DZIP3: variants seen among roughly 807,000 people sequenced by gnomAD.
DZIP3 encodes DAZ interacting zinc finger protein 3, also known as E3 ubiquitin-protein ligase DZIP3.
In DZIP3, 118 loss-of-function variants were observed where a neutral mutation model predicts 162.0. The ratio of observed to expected loss-of-function variants is 0.73; its 90% CI spans 0.63 to 0.85. The LOEUF (loss-of-function observed/expected upper bound fraction) is 0.85. DZIP3 is among the 40% of genes least tolerant of loss of function. DZIP3 has a pLI of 0.00. For synonymous variants in DZIP3, 438 were observed against 458.6 expected (o/e 0.96, Z 0.57); for missense variants, 1,331 against 1,407.0 (o/e 0.95, Z 0.86).
chr3:108,675,781 A>G lies in DZIP3; in HGVS notation c.2694-5A>G. 1 of 1,592,548 alleles carries G rather than the reference A, an allele frequency of 6.3e-7. No homozygotes were observed. Among genetic ancestry groups the G allele is most frequent in the Non-Finnish European group, 8.5e-7 (1 of 1,173,458 alleles). ...TTTTCTTTTGTGTCTCCTTTTCTAC[A>G]ACAGCAACCTAGAATCACTTCAATT... On this transcript the variant is annotated splice_polypyrimidine_tract_variant and splice_region_variant and intron_variant, in intron 24 of 32. Transcript: ENST00000361582.
chr3:108,619,378 C>T (rs1428198479), intron 5 of DZIP3, among the ~76,000 whole-genome samples: 2 of 151,526 alleles, frequency 1.3e-5, no homozygotes, highest in Non-Finnish European at 2.9e-5. Context: ...TATACATATA[C>T]ATGATTATAA....
intron 8 of DZIP3, among the ~76,000 whole-genome samples, chr3:108,630,093 G>A (rs988732201): frequency 5.3e-5 from 8 of 151,924 alleles, no homozygotes; most frequent in Non-Finnish European, 8.8e-5. Flanking sequence ...TCAGAAAATT[G>A]TACCACTTTA....
chr3:108,593,435 CTG>C (rs147687240), intron 1 of DZIP3, among the ~76,000 whole-genome samples: 5,417 of 152,114 alleles, frequency 0.036, 322 homozygotes, highest in African/African-American at 0.12. Context: ...TATTATATAC[CTG>C]TTCATAAGTG....
At chr3:108,600,151 T>G (rs115722608) in intron 1 of DZIP3, among the ~76,000 whole-genome samples, 2,943 of 152,282 alleles carry the variant, frequency 0.019, 89 homozygotes, top group African/African-American at 0.063. Flanking sequence ...AGGAGTTTTT[T>G]GGAATTCTTT....
Position 108,662,268 on chromosome 3 carries a change from A to G in DZIP3, c.2423+11A>G. 4 of 1,576,324 alleles carry G rather than the reference A, an allele frequency of 2.5e-6. No individual in the cohort carries two copies. The highest frequency in any genetic ancestry group is 3.4e-6 in the Non-Finnish European group (4 of 1,168,542). On this transcript the variant is annotated intron_variant, in intron 21 of 32. Coordinates refer to ENST00000361582, the MANE Select transcript of DZIP3 (RefSeq NM_014648.4). ...CAATAAGGTTTCCAAGTAAGTGTAA[A>G]TCTTTTGATAAAGGGAAATTCTGCG...
intron 21 of DZIP3, among the ~76,000 whole-genome samples, chr3:108,667,325 T>G (rs993630219): frequency 3.9e-5 from 6 of 152,166 alleles, no homozygotes; most frequent in African/African-American, 1.4e-4. Context: ...CAGTGATATG[T>G]ATCACTGCAA....
At chr3:108,666,460 T>C (rs1383075033) in intron 21 of DZIP3, among the ~76,000 whole-genome samples, 3 of 152,014 alleles carry the variant, frequency 2.0e-5, no homozygotes, top group Non-Finnish European at 2.9e-5. Context: ...CACTTCAAAC[T>C]CCACTCTCAA....
intron 19 of DZIP3, among the ~76,000 whole-genome samples, chr3:108,660,132 AAACCACTTTAAAGTTCATATGG>A: frequency 6.6e-6 from 1 of 152,300 alleles, no homozygotes; most frequent in South Asian, 2.1e-4. Flanking sequence ...GAATTGGAAA[AAACCACTTTAAAGTTCATATGG>A]AACCAAAAAA....
At chr3:108,597,513 G>C (rs1939771918) in intron 1 of DZIP3, among the ~76,000 whole-genome samples, 2 of 151,774 alleles carry the variant, frequency 1.3e-5, no homozygotes. Flanking sequence ...CAGTAATCCT[G>C]GTAATTACTA....
intron 1 of DZIP3, chr3:108,590,104 A>G (rs1576327672): frequency 6.6e-6 from 1 of 152,132 alleles, no homozygotes; most frequent in East Asian, 1.9e-4. Context: ...TTTGTAAGTG[A>G]AGGTGTCTGT....
chr3:108,689,543 C>T (rs923010910), intron 31 of DZIP3, among the ~76,000 whole-genome samples: 3 of 151,942 alleles, frequency 2.0e-5, no homozygotes, highest in East Asian at 3.9e-4. Flanking sequence ...CAAAATTAGC[C>T]GGGCGTGGTG....
chr3:108,677,393 C>A, intron 25 of DZIP3, 104 bp from the exon 26 acceptor site: 1 of 819,052 alleles, frequency 1.2e-6, no homozygotes, highest in Non-Finnish European at 1.9e-6. Flanking sequence ...AGGTTGGCAA[C>A]CACTCTTGTA....
intron 19 of DZIP3, among the ~76,000 whole-genome samples, chr3:108,658,495 G>A (rs1160767369): frequency 3.9e-5 from 6 of 152,134 alleles, no homozygotes; most frequent in African/African-American, 1.4e-4. Context: ...AAAGCAGTGT[G>A]TAGAGGGAAA....
At chr3:108,608,230 C>A in intron 3 of DZIP3, 72 bp downstream of exon 3, 3 of 1,224,348 alleles carry the variant, frequency 2.5e-6, no homozygotes, top group Admixed American at 3.8e-5. Flanking sequence ...TGCAGTAATA[C>A]ATCTAGTCAG....
chr3:108,602,850 T>C (rs1002835142), intron 1 of DZIP3: 1 of 152,176 alleles, frequency 6.6e-6, no homozygotes, highest in Non-Finnish European at 1.5e-5. Flanking sequence ...TCCTGGGAAA[T>C]GATGAGATTG....
intron 9 of DZIP3, among the ~76,000 whole-genome samples, chr3:108,633,738 T>G (rs1294634935): frequency 9.3e-6 from 1 of 108,074 alleles, no homozygotes; most frequent in Non-Finnish European, 1.9e-5. Context: ...TCTCTGGATC[T>G]ATCAGAGTAC....
intron 8 of DZIP3, among the ~76,000 whole-genome samples, chr3:108,631,648 TC>T (rs1331236551): frequency 2.1e-5 from 3 of 142,548 alleles, no homozygotes; most frequent in Non-Finnish European, 4.5e-5. Context: ...GCTCTCAAAC[TC>T]CTGGGCTCAA....
rs752808225 is a variant in DZIP3 at position 108,674,091 on chromosome 3, A to G, written c.2603A>G (p.Gln868Arg). ...RALTAEVYFLQCRRDFGLLHL... is the reference protein window; with the variant it reads ...RALTAEVYFLRCRRDFGLLHL... Reference sequence around the variant, plus strand: ...AAAAACCTGTAGGTGTATTTCTTACAGTGTCGTAGGGATTTTGGTTTGCTT... The same window carrying G: ...AAAAACCTGTAGGTGTATTTCTTACGGTGTCGTAGGGATTTTGGTTTGCTT... The change falls in exon 24 of 33, where the codon CAG (glutamine) becomes CGG (arginine). Residue 868 changes from glutamine (Q) to arginine (R), a missense_variant. By Grantham distance (43) the Gln-to-Arg change is conservative. Transcript: ENST00000361582. 52 of 1,611,468 alleles carry G rather than the reference A, an allele frequency of 3.2e-5. No homozygotes were observed. The highest frequency in any genetic ancestry group is 3.6e-5 in the Non-Finnish European group (43 of 1,178,598).
intron 1 of DZIP3, among the ~76,000 whole-genome samples, chr3:108,604,262 T>C (rs1289120849): frequency 6.6e-6 from 1 of 152,214 alleles, no homozygotes; most frequent in East Asian, 1.9e-4. Context: ...TCATCCAGTC[T>C]TGTGCTTGGC....
Sources: allele counts gnomAD v4.1 joint callset (sites outside exome capture counted in the v4.1 genomes callset), GRCh38; gene constraint gnomAD v4.1.1; transcripts MANE v1.5; gene names NCBI Gene and HGNC (gene_info 2026-07-23, HGNC 2026-07-21).